PGAP2: variants seen among roughly 807,000 people sequenced by gnomAD.
PGAP2 encodes the protein acyltransferase PGAP2.
Under a neutral mutation model 33.2 loss-of-function variants are expected in PGAP2, and 21 were observed. The observed-to-expected ratio is 0.63, with a 90% CI of 0.45 to 0.91. The LOEUF (loss-of-function observed/expected upper bound fraction) is 0.91, where lower values mean the gene tolerates loss of function less well. Ranked by LOEUF, PGAP2 falls within the 40% of genes least tolerant of loss-of-function variation. The pLI is 0.00. For missense variants in PGAP2, 345 were observed against 424.0 expected, an observed-to-expected ratio of 0.81 and a Z score of 1.64; for synonymous variants, 161 against 172.9, an observed-to-expected ratio of 0.93 and a Z score of 0.54.
chr11:3,822,306 G>A (rs1182462364), intron 3 of PGAP2, among the ~76,000 whole-genome samples: 1 of 152,192 alleles, frequency 6.6e-6, no homozygotes, highest in Non-Finnish European at 1.5e-5. Flanking sequence ...GGAGCTTGCA[G>A]TGAGCCAAGA....
At chr11:3,799,178 G>T (rs1418676783) in intron 1 of PGAP2, among the ~76,000 whole-genome samples, 4 of 152,224 alleles carry the variant, frequency 2.6e-5, no homozygotes, top group African/African-American at 9.6e-5. Context: ...TGAAAGGTGG[G>T]CATTTTCTAG....
At chr11:3,818,820 A>T (rs988795712) in intron 3 of PGAP2, among the ~76,000 whole-genome samples, 5 of 152,202 alleles carry the variant, frequency 3.3e-5, no homozygotes, top group Non-Finnish European at 5.9e-5. Context: ...GGTTCCTATT[A>T]TGATTAAAAA....
chr11:3,819,842 G>A (rs1041748257), intron 3 of PGAP2, among the ~76,000 whole-genome samples: 3 of 152,094 alleles, frequency 2.0e-5, no homozygotes, highest in African/African-American at 4.8e-5. Context: ...GTATGTGTCT[G>A]TGTGTATATG....
chr11:3,805,871 G>A (rs1328904623), upstream of PGAP2, among the ~76,000 whole-genome samples: 1 of 151,802 alleles, frequency 6.6e-6, no homozygotes, highest in African/African-American at 2.4e-5. Context: ...ATTTTTAGTA[G>A]AGACAGGGTT....
At chr11:3,805,296 C>G (rs950831196), upstream of PGAP2, among the ~76,000 whole-genome samples, 4 of 138,274 alleles carry the variant, frequency 2.9e-5, no homozygotes, top group African/African-American at 8.0e-5. Context: ...GGGTCTTGCT[C>G]TGTCACTCAG....
At chr11:3,808,539 A>G, upstream of PGAP2, 1 of 1,397,086 alleles carries the variant, frequency 7.2e-7, no homozygotes, top group Non-Finnish European at 9.3e-7. Flanking sequence ...CCGCCCCGAG[A>G]GCGCCGGCCC....
At position 3,825,796 on chromosome 11, in the gene PGAP2, G is replaced by A. The variant is rs549464211; in HGVS notation, c.*338G>A. The A allele has an allele frequency of 3.2e-4, 71 of 220,336 alleles. No individual in the cohort carries two copies. The highest frequency in any genetic ancestry group is 1.4e-3 in the African/African-American group (63 of 43,932). The allele number at this position is 220,336 out of a possible 1,614,324, so 13.6% of individuals were successfully genotyped here. On this transcript the variant is annotated 3_prime_UTR_variant, in exon 7 of 7. Transcript: ENST00000278243. ...CTTTACACAGTCACCTTTCACTGAGGTCAGGAGCCCCTGAGCAGTGGCTGC... is the reference window on the plus strand; with the variant it reads ...CTTTACACAGTCACCTTTCACTGAGATCAGGAGCCCCTGAGCAGTGGCTGC...
intron 1 of PGAP2, among the ~76,000 whole-genome samples, chr11:3,810,940 C>T (rs1023097268): frequency 6.6e-6 from 1 of 152,194 alleles, no homozygotes; most frequent in African/African-American, 2.4e-5. Context: ...AAAGCAGCTT[C>T]TCTAGTCCTA....
At chr11:3,802,888 A>G (rs763964636) in intron 1 of PGAP2, among the ~76,000 whole-genome samples, 7 of 143,256 alleles carry the variant, frequency 4.9e-5, no homozygotes, top group Non-Finnish European at 9.0e-5. Context: ...GTGCAGTGGC[A>G]CCATCTCGGC....
upstream of PGAP2, among the ~76,000 whole-genome samples, chr11:3,805,984 C>T (rs560188573): frequency 0.028 from 4,191 of 149,304 alleles, 203 homozygotes; most frequent in African/African-American, 0.095. Flanking sequence ...CACGCCCCCG[C>T]GAGACCTTGT....
chr11:3,816,966 C>G (rs925147080), intron 2 of PGAP2, among the ~76,000 whole-genome samples: 1 of 152,146 alleles, frequency 6.6e-6, no homozygotes, highest in African/African-American at 2.4e-5. Context: ...CCTCAGTCTC[C>G]CCTTCTGTGA....
At chr11:3,813,982 C>T (rs188455250) in intron 2 of PGAP2, among the ~76,000 whole-genome samples, 1 of 152,290 alleles carries the variant, frequency 6.6e-6, no homozygotes, top group Non-Finnish European at 1.5e-5. Flanking sequence ...TGGAGCAGTA[C>T]TAGGTCTGTG....
intron 3 of PGAP2, chr11:3,818,060 A>AAAC: frequency 3.5e-5 from 8 of 229,208 alleles, no homozygotes; most frequent in Admixed American, 6.6e-5. Context: ...AACAAAACAA[A>AAAC]ATAAAAAAAA....
In PGAP2 at chr11:3,825,593, G is replaced by A. The variant is rs2089893592; in HGVS notation, c.*135G>A. The A allele has an allele frequency of 1.1e-6, 1 of 937,910 alleles. No homozygotes were observed. The highest frequency in any genetic ancestry group is 1.7e-5 in the African/African-American group (1 of 59,306). The allele number at this position is 937,910 out of a possible 1,614,324, so 58.1% of individuals were successfully genotyped here. On this transcript the variant is annotated 3_prime_UTR_variant, in exon 7 of 7. Coordinates refer to ENST00000278243, the MANE Select transcript of PGAP2 (RefSeq NM_014489.4). ...GGGAAGGGTAAGAAGGAAGGGTGTA[G>A]GCCAAGGCTCACCCCAGTGCTGCTG... is the stretch of plus-strand genomic sequence containing the variant.
Position 3,811,288 on chromosome 11 carries a change from G to C in PGAP2, c.29G>C (p.Arg10Pro). The C allele has an allele frequency of 6.2e-7, 1 of 1,613,964 alleles. No homozygotes were observed. Among genetic ancestry groups the C allele is most frequent in the Non-Finnish European group, 8.5e-7 (1 of 1,179,932 alleles). The change falls in exon 2 of 7, where the codon CGG (arginine) becomes CCG (proline). Residue 10 changes from arginine (R) to proline (P), a missense_variant. By Grantham distance (103) the Arg-to-Pro change is moderately radical. Transcript: ENST00000278243. This position sits in a 1 kb window ranked among gnomAD's most constrained non-coding sequence, Gnocchi z 4.6. ...TACCAGGTCCCACTACCACTGGATC[G>C]GGATGGGACCCTGGTACGGCTCCGC... The part of the protein sequence containing the change: MYQVPLPLD[R>P]DGTLVRLRFT...
At chr11:3,821,604 C>T (rs1035238802) in intron 3 of PGAP2, among the ~76,000 whole-genome samples, 1 of 151,834 alleles carries the variant, frequency 6.6e-6, no homozygotes, top group Non-Finnish European at 1.5e-5. Flanking sequence ...ACTAAAAATA[C>T]AAAATTAGCT....
At chr11:3,816,406 G>C (rs1206538334) in intron 2 of PGAP2, among the ~76,000 whole-genome samples, 13 of 152,170 alleles carry the variant, frequency 8.5e-5, no homozygotes, top group Non-Finnish European at 1.3e-4. Flanking sequence ...CCAGCTTGAG[G>C]GGTCAAGGTG....
chr11:3,816,969 T>C (rs2087179082), intron 2 of PGAP2, among the ~76,000 whole-genome samples: 1 of 152,168 alleles, frequency 6.6e-6, no homozygotes, highest in African/African-American at 2.4e-5. Flanking sequence ...CAGTCTCCCC[T>C]TCTGTGAAAT....
At chr11:3,805,879 G>A (rs187965716), upstream of PGAP2, among the ~76,000 whole-genome samples, 3 of 151,760 alleles carry the variant, frequency 2.0e-5, no homozygotes, top group Middle Eastern at 3.4e-3. Context: ...TAGAGACAGG[G>A]TTTCACCATG....
Sources: gnomAD v4.1 joint callset for allele counts (sites outside exome capture counted in the v4.1 genomes callset) on GRCh38, gnomAD v4.1.1 for gene constraint, Gnocchi (gnomAD v3.1) non-coding constraint, MANE v1.5 for transcripts, NCBI Gene and HGNC (gene_info 2026-07-23, HGNC 2026-07-21) for gene names.